The following NINL variants were observed in gnomAD, a reference collection of about 807,000 sequenced individuals.
NINL encodes the protein ninein like, also known as ninein-like protein.
In NINL, 153 loss-of-function variants were observed where a neutral mutation model predicts 160.3. That is an observed-to-expected ratio of 0.95 (90% CI 0.84 to 1.09). The LOEUF (loss-of-function observed/expected upper bound fraction) is 1.09, where lower values mean the gene tolerates loss of function less well. Ranked by LOEUF, NINL falls within the 50% of genes least tolerant of loss-of-function variation. The pLI, the probability that NINL is intolerant of heterozygous loss-of-function variation, is 0.00. For missense variants in NINL, 1,829 were observed against 1,764.0 expected, an observed-to-expected ratio of 1.04 and a Z score of -0.66; for synonymous variants, 800 against 734.8, an observed-to-expected ratio of 1.09 and a Z score of -1.43.
chr20:25,506,174 C>T (rs1240452104), intron 5 of NINL, among the ~76,000 whole-genome samples: 1 of 152,162 alleles, frequency 6.6e-6, no homozygotes, highest in Non-Finnish European at 1.5e-5. Flanking sequence ...AGGCAGAGAA[C>T]TGCATGGACC....
In NINL at chr20:25,517,779, T is replaced by C; in HGVS notation, c.251A>G (p.Asp84Gly). 2 of 1,606,788 alleles carry C rather than the reference T, an allele frequency of 1.2e-6. No homozygotes were observed. Among genetic ancestry groups the C allele is most frequent in the East Asian group, 2.2e-5 (1 of 44,738 alleles). Reference protein sequence around the residue: ...LSSNAGVRPSDEDSSSLESAA... With the variant: ...LSSNAGVRPSGEDSSSLESAA... ...TGATTCCAAAGAACTACTGTCTTCATCTGAGGGGCGAACACCAGCATTTGA... is the reference window on the plus strand; with the variant it reads ...TGATTCCAAAGAACTACTGTCTTCACCTGAGGGGCGAACACCAGCATTTGA... Residue 84 changes from aspartate to glycine, a missense_variant, in exon 3 of 24, where the codon GAT becomes GGT. Coordinates refer to ENST00000278886, the MANE Select transcript of NINL (RefSeq NM_025176.6).
rs117476225 is a variant in NINL, at chr20:25,474,398, C to T, written c.3248+1645G>A. Among the ~76,000 whole-genome samples, 234 of 152,294 alleles carry T rather than the reference C, an allele frequency of 1.5e-3. 1 individual carries two copies. Among genetic ancestry groups the T allele is most frequent in the Non-Finnish European group, 2.8e-3 (191 of 68,036 alleles). On this transcript the variant is annotated intron_variant, in intron 17 of 23. Coordinates refer to ENST00000278886, the MANE Select transcript of NINL (RefSeq NM_025176.6). The stretch of plus-strand genomic sequence containing the variant: ...GCCACCAAGTCCGTGGAAATGCACA[C>T]GAAGGAAGAACAGACGGACCAAGGG...
intron 8 of NINL, among the ~76,000 whole-genome samples, chr20:25,498,732 G>T (rs2063809238): frequency 6.6e-6 from 1 of 152,232 alleles, no homozygotes; most frequent in Admixed American, 6.5e-5. Context: ...TGAGCCTTGG[G>T]ATTCCCTGCG....
chr20:25,475,271 C>A (rs2063204220), intron 17 of NINL, among the ~76,000 whole-genome samples: 1 of 151,798 alleles, frequency 6.6e-6, no homozygotes, highest in Non-Finnish European at 1.5e-5. Context: ...AAACAAAAAA[C>A]AAAAAAACCT....
At chr20:25,517,987 TA>T in intron 2 of NINL, 138 bp from the exon 3 acceptor site, 1 of 526,324 alleles carries the variant, frequency 1.9e-6, no homozygotes, top group Non-Finnish European at 3.3e-6. Context: ...CGTTTTCAAA[TA>T]TTTACTTAAG....
chr20:25,562,764 T>G (rs1209929488), intron 1 of NINL, among the ~76,000 whole-genome samples: 1 of 146,962 alleles, frequency 6.8e-6, no homozygotes. Flanking sequence ...CACCCAAGAA[T>G]GATCAATAAA....
chr20:25,553,453 T>C (rs990036906), intron 1 of NINL, among the ~76,000 whole-genome samples: 2 of 152,174 alleles, frequency 1.3e-5, no homozygotes, highest in Non-Finnish European at 1.5e-5. Flanking sequence ...GTGGGCCACA[T>C]TGGGAAAGGT....
intron 8 of NINL, among the ~76,000 whole-genome samples, chr20:25,498,615 T>A (rs1342158908): frequency 6.6e-6 from 1 of 152,144 alleles, no homozygotes; most frequent in Admixed American, 6.5e-5. Context: ...CTGGACAAAG[T>A]GTCAGACACA....
At chr20:25,494,756 ATGGG>A (rs1490168757) in intron 10 of NINL, among the ~76,000 whole-genome samples, 1 of 152,104 alleles carries the variant, frequency 6.6e-6, no homozygotes, top group Admixed American at 6.5e-5. Context: ...GGTTATGGAG[ATGGG>A]GGGCGCCCAC....
intron 16 of NINL, among the ~76,000 whole-genome samples, chr20:25,478,591 C>A (rs2063317827): frequency 6.6e-6 from 1 of 152,232 alleles, no homozygotes; most frequent in Non-Finnish European, 1.5e-5. Context: ...TCCATCTCCC[C>A]ACATGCTACC....
chr20:25,574,839 G>T lies in NINL; in HGVS notation c.-12+10616C>A, dbSNP rs543044693. On this transcript the variant is annotated intron_variant, in intron 1 of 23. Coordinates refer to ENST00000278886, the MANE Select transcript of NINL (RefSeq NM_025176.6). ...AATGTCACATGCAAAGCTCCTAGGA[G>T]TCTTCTTTTTTCCCACCTCCTCACA... is the stretch of plus-strand genomic sequence containing the variant. Among the ~76,000 whole-genome samples, 516 of 152,222 alleles carry T rather than the reference G, an allele frequency of 3.4e-3. 3 individuals are homozygous for T. Among genetic ancestry groups the T allele is most frequent in the Non-Finnish European group, 6.0e-3 (410 of 68,012 alleles).
In NINL at chr20:25,476,149, T is replaced by C. The variant is rs1316572096; in HGVS notation, c.3142A>G (p.Lys1048Glu). 3.1e-6 allele frequency: 5 copies of C among 1,614,192 alleles called. No individual in the cohort carries two copies. Among genetic ancestry groups the C allele is most frequent in the Middle Eastern group, 1.6e-4 (1 of 6,062 alleles). Residue 1048 changes from lysine (K) to glutamate (E), a missense_variant, in exon 17 of 24, where the codon AAA becomes GAA. By Grantham distance (56) the Lys-to-Glu change is moderately conservative (BLOSUM62 1). Transcript: ENST00000278886. ...QLAAPEEGET[K>E]IALEREKDDM... ...TCCTTCTCTCTCTCCAGCGCTATTT[T>C]GGTCTCCCCCTCTTCTGGGGCAGCA...
At chr20:25,454,668 C>T (rs1049054731) in intron 23 of NINL, among the ~76,000 whole-genome samples, 5 of 152,186 alleles carry the variant, frequency 3.3e-5, no homozygotes, top group South Asian at 2.1e-4. Flanking sequence ...AATCCTAACA[C>T]TGAATGTGGT....
chr20:25,525,782 G>T (rs1046583972), intron 2 of NINL, among the ~76,000 whole-genome samples: 13 of 152,202 alleles, frequency 8.5e-5, no homozygotes, highest in African/African-American at 3.1e-4. Flanking sequence ...GTAGGAATGG[G>T]GAGGTGCTTT....
chr20:25,458,386 C>T lies in NINL; in HGVS notation c.3840G>A (p.Gln1280=), dbSNP rs374074682. The change falls in exon 22 of 24, where the codon CAG becomes CAA. Residue 1280 remains glutamine (Q), a synonymous_variant. Coordinates refer to ENST00000278886, the MANE Select transcript of NINL (RefSeq NM_025176.6). ...GEQARRRLDA[Q]REEHEKQLKA... is the part of the protein sequence containing the mutation. Reference sequence around the variant, plus strand: ...CTCTCGCTGCATCCCCACTTACCCGCTGTGCATCCAGGCGCCTCCTGGCCT... The same window carrying T: ...CTCTCGCTGCATCCCCACTTACCCGTTGTGCATCCAGGCGCCTCCTGGCCT... 8.1e-6 allele frequency: 13 copies of T among 1,606,252 alleles called. No homozygotes were observed. In the Middle Eastern group the frequency reaches 8.9e-4, roughly 110 times the overall value.
At chr20:25,459,868 T>C (rs1280007208) in intron 21 of NINL, among the ~76,000 whole-genome samples, 1 of 152,134 alleles carries the variant, frequency 6.6e-6, no homozygotes, top group Non-Finnish European at 1.5e-5. Context: ...TCTACAGACC[T>C]TGACAGTCAC....
At chr20:25,579,598 G>A (rs140888538) in intron 1 of NINL, among the ~76,000 whole-genome samples, 21 of 152,178 alleles carry the variant, frequency 1.4e-4, no homozygotes, top group East Asian at 1.9e-4. Flanking sequence ...GGAGACAGCC[G>A]GGGGAGGCCT....
intron 1 of NINL, among the ~76,000 whole-genome samples, chr20:25,540,633 C>A (rs1054233133): frequency 4.6e-5 from 7 of 152,106 alleles, no homozygotes; most frequent in Admixed American, 1.3e-4. Context: ...CCTGCTCGCC[C>A]AGAAAGAACA....
At chr20:25,455,301 C>A (rs186055202) in intron 23 of NINL, among the ~76,000 whole-genome samples, 36 of 152,310 alleles carry the variant, frequency 2.4e-4, no homozygotes, top group Non-Finnish European at 1.6e-4. Flanking sequence ...GGCCCGAGGT[C>A]ATGTATGCTC....
Sources: allele counts gnomAD v4.1 joint callset (sites outside exome capture counted in the v4.1 genomes callset), GRCh38; gene constraint gnomAD v4.1.1; transcripts MANE v1.5; gene names NCBI Gene and HGNC (gene_info 2026-07-23, HGNC 2026-07-21).